INPP5A: variants seen among roughly 807,000 people sequenced by gnomAD.
INPP5A encodes the protein inositol polyphosphate-5-phosphatase A.
Under a neutral mutation model 65.2 loss-of-function variants are expected in INPP5A, and 14 were observed. The ratio of observed to expected loss-of-function variants is 0.21; its 90% CI spans 0.14 to 0.34. INPP5A has a LOEUF of 0.34. Ranked by LOEUF, INPP5A falls within the 10% of genes least tolerant of loss-of-function variation. The pLI is 1.00. For synonymous variants in INPP5A, 207 were observed against 208.3 expected (o/e 0.99, Z 0.05); for missense variants, 431 against 545.6 (o/e 0.79, Z 2.09).
At chr10:132,658,717 G>C (rs2072694291) in intron 4 of INPP5A, among the ~76,000 whole-genome samples, 1 of 152,002 alleles carries the variant, frequency 6.6e-6, no homozygotes, top group South Asian at 2.1e-4. Flanking sequence ...GGATGCTCTA[G>C]GCCCTCTGGG....
intron 9 of INPP5A, among the ~76,000 whole-genome samples, chr10:132,742,751 G>A (rs751094274): frequency 3.9e-5 from 6 of 152,212 alleles, no homozygotes; most frequent in East Asian, 1.9e-4. Context: ...CTGGTGAACC[G>A]GGGCCCTTGG....
chr10:132,738,190 C>G (rs1266220387), intron 9 of INPP5A, among the ~76,000 whole-genome samples: 2 of 152,128 alleles, frequency 1.3e-5, no homozygotes, highest in East Asian at 1.9e-4. Context: ...CTCTGACTGC[C>G]CTTGGTTTAA....
intron 11 of INPP5A, among the ~76,000 whole-genome samples, chr10:132,755,007 ATG>A (rs1464791126): frequency 1.3e-5 from 2 of 152,176 alleles, no homozygotes; most frequent in Middle Eastern, 3.4e-3. Flanking sequence ...AGGCATATGC[ATG>A]TGAGCCTGTG....
At chr10:132,726,180 A>C (rs532298075) in intron 8 of INPP5A, among the ~76,000 whole-genome samples, 1 of 152,350 alleles carries the variant, frequency 6.6e-6, no homozygotes, top group African/African-American at 2.4e-5. Flanking sequence ...TCTTGAGTAC[A>C]GCTGTACCTG....
rs112597185 is a variant in INPP5A, at chr10:132,675,360, G to A, written c.307-15032G>A. 4.6e-5 allele frequency among the ~76,000 whole-genome samples: 7 copies of A among 152,226 alleles called. No homozygotes were observed. The highest frequency in any genetic ancestry group is 1.7e-4 in the African/African-American group (7 of 41,462). On this transcript the variant is annotated intron_variant, in intron 4 of 15. Coordinates refer to ENST00000368594, the MANE Select transcript of INPP5A (RefSeq NM_005539.5). This position sits in a 1 kb window ranked among gnomAD's most constrained non-coding sequence, Gnocchi z 4.2. ...GACATTTTAACTCAAATGAAAAACAGTAAGTACTAACGGATGTTCTTCAAG... is the reference window on the plus strand; with the variant it reads ...GACATTTTAACTCAAATGAAAAACAATAAGTACTAACGGATGTTCTTCAAG...
intron 8 of INPP5A, 123 bp from the exon 9 acceptor site, chr10:132,726,698 T>C: frequency 1.5e-6 from 1 of 686,652 alleles, no homozygotes. Context: ...CCACTGAGGT[T>C]CCCCTGCAGC....
At chr10:132,771,006 A>AC (rs1786384026) in intron 12 of INPP5A, among the ~76,000 whole-genome samples, 1 of 152,230 alleles carries the variant, frequency 6.6e-6, no homozygotes, top group Non-Finnish European at 1.5e-5. Flanking sequence ...TTGGCAACAA[A>AC]TAGCATCCGC....
intron 4 of INPP5A, among the ~76,000 whole-genome samples, chr10:132,685,332 C>T (rs527570388): frequency 5.9e-5 from 9 of 152,360 alleles, no homozygotes; most frequent in South Asian, 2.1e-4. Flanking sequence ...GTCACGCCCG[C>T]GACGCGGTTG....
At chr10:132,773,390 C>T (rs548953561) in intron 12 of INPP5A, among the ~76,000 whole-genome samples, 12 of 152,208 alleles carry the variant, frequency 7.9e-5, no homozygotes, top group East Asian at 3.9e-4. Context: ...CAAAAATATA[C>T]GCAACACAGG....
chr10:132,617,325 T>C (rs1259567633), intron 2 of INPP5A, among the ~76,000 whole-genome samples: 1 of 152,172 alleles, frequency 6.6e-6, no homozygotes, highest in East Asian at 1.9e-4. Flanking sequence ...TGTGGCTCTC[T>C]CAGGGCCCTT....
chr10:132,782,030 G>A lies in INPP5A; in HGVS notation c.*8-7G>A, dbSNP rs759756517. On this transcript the variant is annotated splice_region_variant and splice_polypyrimidine_tract_variant and intron_variant, in intron 15 of 15. Transcript: ENST00000368594. The surrounding 1 kb of genome is among the most constrained non-coding windows in gnomAD (Gnocchi z 4.4). ...GTTCCTTTAACAAATTACGAATTCC[G>A]TGACAGGGAAGAGATGCCAGCGCCA... The A allele has an allele frequency of 6.2e-6, 10 of 1,601,408 alleles. No homozygotes were observed. Among genetic ancestry groups the A allele is most frequent in the African/African-American group, 2.7e-5 (2 of 74,848 alleles).
At chr10:132,734,273 T>A (rs1414430538) in intron 9 of INPP5A, among the ~76,000 whole-genome samples, 1 of 152,136 alleles carries the variant, frequency 6.6e-6, no homozygotes, top group Non-Finnish European at 1.5e-5. Context: ...TGCCCACTGA[T>A]CTCGGTGCTC....
intron 4 of INPP5A, among the ~76,000 whole-genome samples, chr10:132,682,865 T>C (rs2073064763): frequency 6.6e-6 from 1 of 151,830 alleles, no homozygotes; most frequent in Non-Finnish European, 1.5e-5. Context: ...CTGTGTATTA[T>C]ATACATATGC....
In INPP5A at chr10:132,777,777, C is replaced by T. The variant is rs751256829; in HGVS notation, c.1084C>T (p.Leu362=). 17 of 1,612,814 alleles carry T rather than the reference C, an allele frequency of 1.1e-5. No individual in the cohort carries two copies. Among genetic ancestry groups the T allele is most frequent in the Admixed American group, 5.0e-5 (3 of 59,990 alleles). The change falls in exon 13 of 16, where the codon CTG becomes TTG. Residue 362 remains leucine, a synonymous_variant. Coordinates refer to ENST00000368594, the MANE Select transcript of INPP5A (RefSeq NM_005539.5). Reference sequence around the variant, plus strand: ...GTCCCCGTCTGCCAAGGAGCTGGTGCTGCGGGTGAGTGTGTGCTGCCCCAG... The same window carrying T: ...GTCCCCGTCTGCCAAGGAGCTGGTGTTGCGGGTGAGTGTGTGCTGCCCCAG... ...LMSPSAKELV[L]RSESEEKVVT... is the part of the protein sequence containing the mutation.
intron 1 of INPP5A, among the ~76,000 whole-genome samples, chr10:132,591,148 A>G (rs1307560076): frequency 6.6e-6 from 1 of 152,208 alleles, no homozygotes; most frequent in Non-Finnish European, 1.5e-5. Context: ...TTGACTTTTA[A>G]GAGTTCTTTC....
At chr10:132,568,544 C>T (rs1026204993) in intron 1 of INPP5A, among the ~76,000 whole-genome samples, 1 of 151,494 alleles carries the variant, frequency 6.6e-6, no homozygotes, top group African/African-American at 2.4e-5. Context: ...AGGTCAGGAG[C>T]TTGAGACCAG....
chr10:132,607,930 A>G lies in INPP5A; in HGVS notation c.91A>G (p.Lys31Glu). The G allele has an allele frequency of 6.2e-7, 1 of 1,611,298 alleles. No individual in the cohort carries two copies. The highest frequency in any genetic ancestry group is 8.5e-7 in the Non-Finnish European group (1 of 1,179,994). ...SLFDDPENLQ[K>E]NWLREFYQVV... ...TAATTTACAGCCAGAAAACCTGCAG[A>G]AGAACTGGCTTCGGGAATTTTACCA... Residue 31 changes from lysine to glutamate, a missense_variant, in exon 2 of 16, where the codon AAG (lysine) becomes GAG (glutamate). Transcript: ENST00000368594.
chr10:132,708,487 C>A, intron 7 of INPP5A, 122 bp downstream of exon 7: 1 of 931,382 alleles, frequency 1.1e-6, no homozygotes, highest in Non-Finnish European at 1.8e-6. Context: ...GGACCCCCAG[C>A]TGCCTGACCC....
chr10:132,550,095 A>C lies in INPP5A; in HGVS notation c.75+11924A>C, dbSNP rs568631451. On this transcript the variant is annotated intron_variant, in intron 1 of 15. Transcript: ENST00000368594. The surrounding 1 kb of genome is among the most constrained non-coding windows in gnomAD (Gnocchi z 4.2). ...GCATTAGGGGATGGGGTCAGCCTCG[A>C]GTTACTAACCGGGCATTAGGGGATG... Among the ~76,000 whole-genome samples the C allele has an allele frequency of 6.6e-6, 1 of 150,888 alleles. No homozygotes were observed.
Sources: allele counts gnomAD v4.1 joint callset (sites outside exome capture counted in the v4.1 genomes callset), GRCh38; gene constraint gnomAD v4.1.1; non-coding constraint Gnocchi (gnomAD v3.1); transcripts MANE v1.5; gene names NCBI Gene and HGNC (gene_info 2026-07-23, HGNC 2026-07-21).